ADGRG1: variants seen among roughly 807,000 people sequenced by gnomAD.
ADGRG1 encodes adhesion G protein-coupled receptor G1, also known as 7-transmembrane protein with no EGF-like N-terminal domains-1.
A neutral mutation model predicts 73.5 loss-of-function variants in ADGRG1; 53 were observed. The ratio of observed to expected loss-of-function variants is 0.72; its 90% CI spans 0.58 to 0.91. The LOEUF (loss-of-function observed/expected upper bound fraction) is 0.91. ADGRG1 is among the 40% of genes least tolerant of loss of function. The probability of loss-of-function intolerance (pLI) is 0.00; values close to 1 mark genes in which losing one functional copy is unlikely to be tolerated. For synonymous variants in ADGRG1, 394 were observed against 374.4 expected, an observed-to-expected ratio of 1.05 and a Z score of -0.60; for missense variants, 795 against 871.8, an observed-to-expected ratio of 0.91 and a Z score of 1.11.
intron 1 of ADGRG1, chr16:57,631,271 A>C (rs13337417): frequency 0.36 from 354,633 of 985,574 alleles, 64,762 homozygotes; most frequent in East Asian, 0.55. Flanking sequence ...AAGGCAGGTA[A>C]GAGGAGTGGG....
rs897716253 is a variant in ADGRG1 at position 57,660,835 on chromosome 16, G to A, written c.1623G>A (p.Leu541=). The A allele has an allele frequency of 5.3e-5, 85 of 1,612,260 alleles. No individual in the cohort carries two copies. Among genetic ancestry groups the A allele is most frequent in the Non-Finnish European group, 6.9e-5 (81 of 1,178,450 alleles). The change falls in exon 12 of 14, where the codon TTG becomes TTA. Residue 541 remains leucine (L), a synonymous_variant. Transcript: ENST00000562631. ...VDVDNYGPII[L]AVHRTPEGVI... Reference sequence around the variant, plus strand: ...TGGACAACTATGGCCCCATCATCTTGGCTGTGCATAGGACTCCAGAGGGCG... The same window carrying A: ...TGGACAACTATGGCCCCATCATCTTAGCTGTGCATAGGACTCCAGAGGGCG...
Position 57,650,294 on chromosome 16 carries a change from C to T in ADGRG1, c.7C>T (p.Pro3Ser). MT[P>S]QSLLQTTLFL... ...GTGACTCCGTCGGAGGAAAATGACT[C>T]CCCAGTCGCTGCTGCAGACGACACT... Residue 3 changes from proline (P) to serine (S), a missense_variant, in exon 2 of 14, where the codon CCC becomes TCC. Physicochemically the swap from Pro to Ser is moderately conservative, Grantham distance 74. Coordinates refer to ENST00000562631, the MANE Select transcript of ADGRG1 (RefSeq NM_201525.4). 1.2e-6 allele frequency: 2 copies of T among 1,613,408 alleles called. No individual in the cohort carries two copies. Among genetic ancestry groups the T allele is most frequent in the Non-Finnish European group, 1.7e-6 (2 of 1,179,334 alleles).
Position 57,659,699 on chromosome 16 carries a change from G to T in ADGRG1, c.1555+18G>T, listed in dbSNP as rs1166125719. 1 of 1,613,114 alleles carries T rather than the reference G, an allele frequency of 6.2e-7. No homozygotes were observed. The highest frequency in any genetic ancestry group is 2.2e-5 in the East Asian group (1 of 44,864). On this transcript the variant is annotated intron_variant, in intron 11 of 13. Coordinates refer to ENST00000562631, the MANE Select transcript of ADGRG1 (RefSeq NM_201525.4). ...GGGCTGGGGTAAGTGGTTGGGCGGG[G>T]GGTGCCTCAGACCTGCCTCTCCCAC...
intron 1 of ADGRG1, chr16:57,634,190 T>A (rs557097361): frequency 1.0e-6 from 1 of 985,418 alleles, no homozygotes; most frequent in African/African-American, 1.7e-5. Context: ...GCTGACCCCT[T>A]CTGGGTCCTT....
intron 1 of ADGRG1, among the ~76,000 whole-genome samples, chr16:57,638,032 C>T (rs1376991610): frequency 2.6e-5 from 4 of 152,206 alleles, no homozygotes; most frequent in South Asian, 2.1e-4. Context: ...CTGTCTGGGG[C>T]GTACCACAGT....
chr16:57,631,390 C>T (rs1461995175), intron 1 of ADGRG1: 3 of 985,640 alleles, frequency 3.0e-6, no homozygotes, highest in South Asian at 4.7e-5. Flanking sequence ...GGGGGCTGTG[C>T]CATTTCAGGG....
At position 57,654,007 on chromosome 16, in the gene ADGRG1, G is replaced by A. The variant is rs1281978339; in HGVS notation, c.642G>A (p.Ser214=). The A allele has an allele frequency of 1.3e-5, 21 of 1,614,062 alleles. No homozygotes were observed. Among genetic ancestry groups the A allele is most frequent in the East Asian group, 4.5e-5 (2 of 44,870 alleles). ...CCAGGCAGTTGCAGAGCCTGGAGTCGAAACTGACCTCTGTGAGATTCATGG... is the reference window on the plus strand; with the variant it reads ...CCAGGCAGTTGCAGAGCCTGGAGTCAAAACTGACCTCTGTGAGATTCATGG... ...PASQQLQSLE[S]KLTSVRFMGD... The change falls in exon 5 of 14, where the codon TCG becomes TCA. Residue 214 remains serine (S), a synonymous_variant. Coordinates refer to ENST00000562631, the MANE Select transcript of ADGRG1 (RefSeq NM_201525.4).
chr16:57,632,847 G>A, intron 1 of ADGRG1: 1 of 985,406 alleles, frequency 1.0e-6, no homozygotes, highest in Non-Finnish European at 1.2e-6. Context: ...TGGGGAGATG[G>A]CCTTGCTGTC....
At chr16:57,644,086 G>A (rs1416264261) in intron 1 of ADGRG1, 2 of 985,298 alleles carry the variant, frequency 2.0e-6, no homozygotes, top group African/African-American at 1.7e-5. Flanking sequence ...ACCTGCAAGA[G>A]CCCTGCTCTT....
intron 3 of ADGRG1, chr16:57,652,084 C>T: frequency 1.9e-6 from 2 of 1,034,676 alleles, no homozygotes; most frequent in Non-Finnish European, 2.3e-6. Flanking sequence ...GCACAGCTAG[C>T]CAATGGGAGA....
chr16:57,663,589 A>G lies in ADGRG1; in HGVS notation c.*7A>G. On this transcript the variant is annotated 3_prime_UTR_variant, in exon 14 of 14. Coordinates refer to ENST00000562631, the MANE Select transcript of ADGRG1 (RefSeq NM_201525.4). ...CTCGTCCAGCCGCATCTAGGCCTCC[A>G]GCCCACCTGCCCATGTGATGAAGCA... is the stretch of plus-strand genomic sequence containing the variant. The G allele has an allele frequency of 6.8e-6, 11 of 1,612,324 alleles. No individual in the cohort carries two copies. Among genetic ancestry groups the G allele is most frequent in the Non-Finnish European group, 8.5e-6 (10 of 1,179,820 alleles).
intron 5 of ADGRG1, chr16:57,655,189 G>A: frequency 2.0e-6 from 2 of 985,430 alleles, no homozygotes; most frequent in East Asian, 1.1e-4. Flanking sequence ...CTGGAGTCCT[G>A]GATTCTAACC....
intron 1 of ADGRG1, chr16:57,646,710 G>A (rs2042741267): frequency 2.1e-5 from 21 of 984,130 alleles, no homozygotes; most frequent in Non-Finnish European, 2.5e-5. Flanking sequence ...GGGAGACTTG[G>A]CACCACGCTC....
At chr16:57,621,830 G>A (rs768479328) in intron 2 of ADGRG1, 1 of 983,728 alleles carries the variant, frequency 1.0e-6, no homozygotes, top group Non-Finnish European at 1.2e-6. Flanking sequence ...AGAGCAGCAA[G>A]TAGGATGGTC....
Position 57,660,820 on chromosome 16 carries a change from T to C in ADGRG1, c.1608T>C (p.Tyr536=). Reference sequence around the variant, plus strand: ...TGGCCCTGGTGGATGTGGACAACTATGGCCCCATCATCTTGGCTGTGCATA... The same window carrying C: ...TGGCCCTGGTGGATGTGGACAACTACGGCCCCATCATCTTGGCTGTGCATA... ...TLVALVDVDN[Y]GPIILAVHRT... is the part of the protein sequence containing the mutation. The change falls in exon 12 of 14, where the codon TAT becomes TAC. Residue 536 remains tyrosine (Y), a synonymous_variant. Transcript: ENST00000562631. The C allele has an allele frequency of 6.2e-7, 1 of 1,613,566 alleles. No homozygotes were observed. Among genetic ancestry groups the C allele is most frequent in the Non-Finnish European group, 8.5e-7 (1 of 1,179,502 alleles).
chr16:57,637,824 C>A, intron 1 of ADGRG1: 1 of 470,520 alleles, frequency 2.1e-6, no homozygotes, highest in Non-Finnish European at 2.8e-6. Context: ...AGAAATCATC[C>A]CAAAGCCCCT....
intron 1 of ADGRG1, 115 bp downstream of exon 1, chr16:57,628,917 AGTGAGTGTGAGT>A (rs1270499487): frequency 1.1e-5 from 8 of 739,528 alleles, no homozygotes; most frequent in African/African-American, 3.7e-5. Context: ...AGTGTGTGAG[AGTGAGTGTGAGT>A]GTGAGTGTGA....
chr16:57,642,160 A>G (rs2041008939), intron 1 of ADGRG1: 4 of 985,348 alleles, frequency 4.1e-6, no homozygotes, highest in Non-Finnish European at 4.8e-6. Context: ...GCTGCTTGAG[A>G]TGAAGTCACA....
chr16:57,642,122 T>C (rs1477780767), intron 1 of ADGRG1: 12 of 985,256 alleles, frequency 1.2e-5, no homozygotes, highest in Non-Finnish European at 1.4e-5. Context: ...ATTCTTTCTC[T>C]CTCTTTTCCA....
Sources: allele counts gnomAD v4.1 joint callset (sites outside exome capture counted in the v4.1 genomes callset), GRCh38; gene constraint gnomAD v4.1.1; transcripts MANE v1.5; gene names NCBI Gene and HGNC (gene_info 2026-07-23, HGNC 2026-07-21).